UTRN: variants seen among roughly 807,000 people sequenced by gnomAD.
UTRN encodes utrophin.
A neutral mutation model predicts 463.9 loss-of-function variants in UTRN; 283 were observed. The ratio of observed to expected loss-of-function variants is 0.61; its 90% CI spans 0.55 to 0.67. The LOEUF is 0.67. Ranked by LOEUF, UTRN falls within the 30% of genes least tolerant of loss-of-function variation. UTRN has a pLI of 0.00. For missense variants in UTRN, 3,922 were observed against 4,084.3 expected (o/e 0.96, Z 1.08); for synonymous variants, 1,442 against 1,431.5 (o/e 1.01, Z -0.17).
At chr6:144,817,889 A>G (rs1779222618) in intron 65 of UTRN, among the ~76,000 whole-genome samples, 1 of 152,224 alleles carries the variant, frequency 6.6e-6, no homozygotes, top group Admixed American at 6.5e-5. Context: ...ACATGTAAAT[A>G]TGAGTATTAT....
At chr6:144,765,314 T>C (rs1306872060) in intron 58 of UTRN, among the ~76,000 whole-genome samples, 1 of 152,234 alleles carries the variant, frequency 6.6e-6, no homozygotes, top group Non-Finnish European at 1.5e-5. Context: ...CATGCAATAT[T>C]GACATCTTAT....
chr6:144,473,084 G>C lies in UTRN; in HGVS notation c.3067-636G>C, dbSNP rs115986932. 1.6e-3 allele frequency among the ~76,000 whole-genome samples: 247 copies of C among 152,150 alleles called. 3 individuals are homozygous for C. The highest frequency in any genetic ancestry group is 5.8e-3 in the African/African-American group (241 of 41,510). ...CCTGGCCCTTATTTGCATTCTTTAA[G>C]GCCTGGTTCCAATGTTACCTTCTCT... On this transcript the variant is annotated intron_variant, in intron 23 of 74. Transcript: ENST00000367545.
At chr6:144,496,399 C>A (rs1419477773) in intron 33 of UTRN, among the ~76,000 whole-genome samples, 5 of 152,148 alleles carry the variant, frequency 3.3e-5, no homozygotes, top group Non-Finnish European at 5.9e-5. Context: ...TGATGTATTA[C>A]ATGTCTGGAA....
At chr6:144,297,802 G>T (rs1200262625) in intron 2 of UTRN, among the ~76,000 whole-genome samples, 1 of 152,174 alleles carries the variant, frequency 6.6e-6, no homozygotes, top group Non-Finnish European at 1.5e-5. Flanking sequence ...TTGTATTAAT[G>T]TGATTCTCAT....
intron 2 of UTRN, among the ~76,000 whole-genome samples, chr6:144,395,401 G>GTTTTT (rs397960296): frequency 7.8e-6 from 1 of 127,774 alleles, no homozygotes; most frequent in African/African-American, 2.8e-5. Context: ...AAGATGTTGA[G>GTTTTT]TTTTTTTTTT....
chr6:144,354,380 T>C (rs1778372862), intron 2 of UTRN, among the ~76,000 whole-genome samples: 2 of 152,214 alleles, frequency 1.3e-5, no homozygotes, highest in Admixed American at 1.3e-4. Context: ...GAAAAAGTTC[T>C]TCCACCGAAA....
intron 41 of UTRN, among the ~76,000 whole-genome samples, chr6:144,527,125 A>G (rs570002578): frequency 2.0e-5 from 3 of 152,066 alleles, no homozygotes; most frequent in African/African-American, 4.8e-5. Context: ...AGAAGATTCT[A>G]TTTTGTTGTA....
intron 51 of UTRN, among the ~76,000 whole-genome samples, chr6:144,673,325 A>G (rs1781245744): frequency 6.6e-6 from 1 of 152,090 alleles, no homozygotes; most frequent in Non-Finnish European, 1.5e-5. Flanking sequence ...TCTTAGGTCT[A>G]GTAGTAATTA....
chr6:144,575,431 G>A (rs548870780), intron 50 of UTRN, among the ~76,000 whole-genome samples: 6 of 152,058 alleles, frequency 3.9e-5, no homozygotes, highest in South Asian at 2.1e-4. Flanking sequence ...GAAAAAATAC[G>A]TGTAAATAAA....
intron 54 of UTRN, among the ~76,000 whole-genome samples, chr6:144,732,390 G>A (rs1041699183): frequency 3.3e-5 from 5 of 151,248 alleles, no homozygotes; most frequent in South Asian, 4.2e-4. Flanking sequence ...AGCCTTTTGT[G>A]TGTAGACTTA....
At chr6:144,295,362 A>G (rs1266490430) in intron 2 of UTRN, among the ~76,000 whole-genome samples, 1 of 152,178 alleles carries the variant, frequency 6.6e-6, no homozygotes, top group Non-Finnish European at 1.5e-5. Context: ...GTTTTATCCC[A>G]GAGCCCTGTA....
intron 46 of UTRN, 103 bp downstream of exon 46, chr6:144,542,973 C>T (rs1798103439): frequency 3.1e-6 from 3 of 954,440 alleles, no homozygotes; most frequent in Admixed American, 2.7e-5. Context: ...AAACGTCGTG[C>T]CATTTTCTTT....
At chr6:144,551,593 A>G (rs1480834350) in intron 48 of UTRN, among the ~76,000 whole-genome samples, 1 of 152,230 alleles carries the variant, frequency 6.6e-6, no homozygotes, top group Non-Finnish European at 1.5e-5. Context: ...AAAAATAAAC[A>G]TACAAAACAA....
chr6:144,740,880 A>T (rs1023225473), intron 54 of UTRN, among the ~76,000 whole-genome samples: 26 of 152,164 alleles, frequency 1.7e-4, no homozygotes, highest in Non-Finnish European at 2.2e-4. Context: ...ACCATCTGTT[A>T]TGTTCTCTAA....
intron 71 of UTRN, 172 bp downstream of exon 71, chr6:144,836,713 T>G (rs1309008645): frequency 2.9e-5 from 29 of 1,003,420 alleles, no homozygotes; most frequent in Non-Finnish European, 3.9e-5. Flanking sequence ...ATATAAATCC[T>G]CATTGGCACA....
intron 52 of UTRN, among the ~76,000 whole-genome samples, chr6:144,692,918 T>C (rs1279720936): frequency 2.6e-5 from 4 of 152,152 alleles, no homozygotes; most frequent in Admixed American, 6.5e-5. Flanking sequence ...ATTTTTGCCT[T>C]TGTTGCAGTT....
At chr6:144,505,881 G>T (rs1361395327) in intron 34 of UTRN, among the ~76,000 whole-genome samples, 2 of 152,138 alleles carry the variant, frequency 1.3e-5, no homozygotes, top group Admixed American at 6.5e-5. Context: ...TTATTGTGTG[G>T]AAGTCTAAGT....
At chr6:144,489,060 A>ATTTTAT (rs1792770704) in intron 30 of UTRN, among the ~76,000 whole-genome samples, 1 of 119,180 alleles carries the variant, frequency 8.4e-6, no homozygotes, top group African/African-American at 3.9e-5. Flanking sequence ...TATTTTATTT[A>ATTTTAT]TTTATTTGAG....
At chr6:144,447,556 A>G in intron 15 of UTRN, 46 bp from the exon 16 acceptor site, 1 of 1,598,878 alleles carries the variant, frequency 6.3e-7, no homozygotes, top group Non-Finnish European at 8.5e-7. Context: ...ACAGAAAGAC[A>G]AAGTCCTGTT....
Sources: gnomAD v4.1 joint callset for allele counts (sites outside exome capture counted in the v4.1 genomes callset) on GRCh38, gnomAD v4.1.1 for gene constraint, MANE v1.5 for transcripts, NCBI Gene and HGNC (gene_info 2026-07-23, HGNC 2026-07-21) for gene names.